Variants in SULF1 observed in about 807,000 individuals in gnomAD.
SULF1 encodes the protein sulfatase 1.
A neutral mutation model predicts 110.5 loss-of-function variants in SULF1; 46 were observed. The observed-to-expected ratio is 0.42, with a 90% CI of 0.33 to 0.53. SULF1 has a LOEUF of 0.53. SULF1 is among the 20% of genes least tolerant of loss of function. The pLI is 0.12. For synonymous variants in SULF1, 371 were observed against 387.1 expected (o/e 0.96, Z 0.49); for missense variants, 941 against 1,094.2 (o/e 0.86, Z 1.98).
At chr8:69,584,923 T>C (rs560020729) in intron 6 of SULF1, among the ~76,000 whole-genome samples, 1 of 152,316 alleles carries the variant, frequency 6.6e-6, no homozygotes, top group East Asian at 1.9e-4. Flanking sequence ...AGAATGTGTG[T>C]TTTAAGACCA....
intron 1 of SULF1, among the ~76,000 whole-genome samples, chr8:69,486,292 T>A (rs1212750462): frequency 6.7e-6 from 1 of 148,652 alleles, no homozygotes; most frequent in Non-Finnish European, 1.5e-5. Flanking sequence ...CTGGTCATTC[T>A]AGTTCTAAGT....
upstream of SULF1, among the ~76,000 whole-genome samples, chr8:69,490,102 CTTTT>C (rs59483735): frequency 4.3e-5 from 5 of 117,172 alleles, no homozygotes; most frequent in Admixed American, 9.0e-5. Flanking sequence ...CCATACTTTT[CTTTT>C]TTTTTTTTTT....
intron 6 of SULF1, among the ~76,000 whole-genome samples, chr8:69,585,218 TA>T (rs1488890355): frequency 6.6e-6 from 1 of 152,140 alleles, no homozygotes; most frequent in East Asian, 1.9e-4. Context: ...CAGACATATA[TA>T]AAATAAAGTT....
chr8:69,640,727 T>A, intron 21 of SULF1, 81 bp from the exon 22 acceptor site: 1 of 1,195,426 alleles, frequency 8.4e-7, no homozygotes, highest in Admixed American at 2.2e-5. Context: ...GATTTAGATG[T>A]TGTGCATGAA....
chr8:69,545,580 G>C (rs1465412362), intron 3 of SULF1, among the ~76,000 whole-genome samples: 2 of 152,118 alleles, frequency 1.3e-5, no homozygotes, highest in African/African-American at 2.4e-5. Flanking sequence ...GGTCCAAGAT[G>C]GCTGCAGAAA....
At chr8:69,565,120 T>G (rs1337385604) in intron 5 of SULF1, among the ~76,000 whole-genome samples, 3 of 152,134 alleles carry the variant, frequency 2.0e-5, no homozygotes, top group Non-Finnish European at 4.4e-5. Context: ...AACCAGACGG[T>G]GAGATCCCAG....
intron 22 of SULF1, among the ~76,000 whole-genome samples, chr8:69,643,406 T>C (rs80323505): frequency 0.035 from 5,292 of 149,496 alleles, 195 homozygotes; most frequent in African/African-American, 0.1. Context: ...TTGACAGTTT[T>C]AGAAAACTAA....
chr8:69,539,252 G>A (rs961658231), intron 3 of SULF1, among the ~76,000 whole-genome samples: 1 of 152,120 alleles, frequency 6.6e-6, no homozygotes, highest in African/African-American at 2.4e-5. Context: ...TGGGAATAAA[G>A]TTGGACTTCC....
chr8:69,553,150 C>A (rs1394142760), intron 3 of SULF1, among the ~76,000 whole-genome samples: 1 of 152,238 alleles, frequency 6.6e-6, no homozygotes, highest in Non-Finnish European at 1.5e-5. Context: ...CATATATGAT[C>A]TCTTCCCTGA....
At chr8:69,592,101 C>G (rs1806951737) in intron 8 of SULF1, among the ~76,000 whole-genome samples, 1 of 151,186 alleles carries the variant, frequency 6.6e-6, no homozygotes. Flanking sequence ...CTTCATGGAC[C>G]AAGGCTTCAA....
chr8:69,604,902 G>A lies in SULF1; in HGVS notation c.1347G>A (p.Arg449=). 6.2e-7 allele frequency: 1 copy of A among 1,614,200 alleles called. No individual in the cohort carries two copies. Among genetic ancestry groups the A allele is most frequent in the Non-Finnish European group, 8.5e-7 (1 of 1,180,034 alleles). The change falls in exon 13 of 23, where the codon AGG becomes AGA. Residue 449 remains arginine, a synonymous_variant. Coordinates refer to ENST00000402687, the MANE Select transcript of SULF1 (RefSeq NM_001128205.2). ...ERVKELCQQA[R]YQTACEQPGQ... is the part of the protein sequence containing the mutation. ...TCAAAGAACTATGCCAGCAGGCCAGGTACCAGACAGCCTGTGAACAACCGG... is the reference window on the plus strand; with the variant it reads ...TCAAAGAACTATGCCAGCAGGCCAGATACCAGACAGCCTGTGAACAACCGG...
At chr8:69,567,824 T>C (rs1816008652) in intron 5 of SULF1, among the ~76,000 whole-genome samples, 2 of 152,188 alleles carry the variant, frequency 1.3e-5, no homozygotes. Context: ...CTTCGAGACC[T>C]TGCTTTTAGT....
upstream of SULF1, among the ~76,000 whole-genome samples, chr8:69,490,880 TA>T (rs1470602837): frequency 6.6e-6 from 1 of 152,168 alleles, no homozygotes; most frequent in African/African-American, 2.4e-5. Context: ...TTGTAAATAG[TA>T]GCTATAATAA....
intron 3 of SULF1, among the ~76,000 whole-genome samples, chr8:69,508,859 G>A (rs1811369954): frequency 1.3e-5 from 2 of 152,276 alleles, no homozygotes; most frequent in South Asian, 4.2e-4. Context: ...AAGGTTAGCA[G>A]CCATTCAGAG....
intron 5 of SULF1, among the ~76,000 whole-genome samples, chr8:69,569,435 G>A (rs939969945): frequency 3.5e-4 from 54 of 152,188 alleles, no homozygotes; most frequent in African/African-American, 1.1e-3. Context: ...TTCCCATGAA[G>A]CAGTCATCAC....
chr8:69,625,487 G>A (rs1200098580), intron 15 of SULF1, among the ~76,000 whole-genome samples: 1 of 152,216 alleles, frequency 6.6e-6, no homozygotes, highest in Non-Finnish European at 1.5e-5. Context: ...CGCATCTGGA[G>A]TCTGTCCCTT....
chr8:69,501,174 T>C (rs1478256871), intron 2 of SULF1, among the ~76,000 whole-genome samples: 2 of 152,186 alleles, frequency 1.3e-5, no homozygotes, highest in African/African-American at 4.8e-5. Context: ...GTGAAGGAAA[T>C]TCTGAGTTGT....
intron 3 of SULF1, among the ~76,000 whole-genome samples, chr8:69,523,504 A>T (rs1262257143): frequency 1.3e-5 from 2 of 152,102 alleles, no homozygotes; most frequent in African/African-American, 2.4e-5. Context: ...CATTTAGGGG[A>T]TTCTATGTTC....
At chr8:69,551,722 G>A (rs1340660384) in intron 3 of SULF1, among the ~76,000 whole-genome samples, 7 of 152,280 alleles carry the variant, frequency 4.6e-5, no homozygotes, top group South Asian at 2.1e-4. Context: ...TTTTCCTTTC[G>A]TTAGTGCTAG....
Sources: allele counts gnomAD v4.1 joint callset (sites outside exome capture counted in the v4.1 genomes callset), GRCh38; gene constraint gnomAD v4.1.1; transcripts MANE v1.5; gene names NCBI Gene and HGNC (gene_info 2026-07-23, HGNC 2026-07-21).